The following CCDC195 variants were observed in gnomAD, a reference collection of about 807,000 sequenced individuals.
CCDC195 encodes coiled-coil domain-containing protein 195.
intron 1 of CCDC195, among the ~76,000 whole-genome samples, chr2:224,714,472 G>T (rs1205381723): frequency 6.6e-6 from 1 of 152,128 alleles, no homozygotes; most frequent in Non-Finnish European, 1.5e-5. Context: ...TTGTTCCCAA[G>T]GCAACATTTG....
chr2:224,712,418 G>A (rs10192196), intron 1 of CCDC195, among the ~76,000 whole-genome samples: 107,758 of 152,166 alleles, frequency 0.71, 39,177 homozygotes, highest in African/African-American at 0.89. Flanking sequence ...CCAAATATTT[G>A]TGCACTATTA....
chr2:224,713,575 G>T (rs1689347246), intron 1 of CCDC195, among the ~76,000 whole-genome samples: 1 of 152,154 alleles, frequency 6.6e-6, no homozygotes, highest in Non-Finnish European at 1.5e-5. Flanking sequence ...CCTGCCCAGT[G>T]TTGAACAACT....
chr2:224,710,915 G>T (rs1226737410), intron 1 of CCDC195, among the ~76,000 whole-genome samples: 1 of 152,166 alleles, frequency 6.6e-6, no homozygotes. Flanking sequence ...TGTGTGGCCA[G>T]GGAAGACCTT....
intron 2 of CCDC195, among the ~76,000 whole-genome samples, chr2:224,704,679 G>A (rs1697218327): frequency 7.3e-6 from 1 of 137,306 alleles, no homozygotes; most frequent in Non-Finnish European, 1.5e-5. Flanking sequence ...CTGGAATGCA[G>A]TGGCATGATC....
intron 2 of CCDC195, among the ~76,000 whole-genome samples, chr2:224,708,857 A>G (rs1350174885): frequency 6.6e-6 from 1 of 152,076 alleles, no homozygotes; most frequent in Non-Finnish European, 1.5e-5. Context: ...CACAAGACAA[A>G]GACAAGTAGA....
intron 1 of CCDC195, among the ~76,000 whole-genome samples, chr2:224,713,326 A>G (rs1689343432): frequency 6.6e-6 from 1 of 152,224 alleles, no homozygotes; most frequent in South Asian, 2.1e-4. Flanking sequence ...TATGACAACT[A>G]TTACTTAGTA....
chr2:224,706,509 CT>C lies in CCDC195; in HGVS notation c.483-2623del, dbSNP rs35298629. Among the ~76,000 whole-genome samples, 378 of 95,716 alleles carry C rather than the reference CT, an allele frequency of 3.9e-3. 2 individuals are homozygous for C. Among genetic ancestry groups the C allele is most frequent in the South Asian group, 9.8e-3 (26 of 2,664 alleles). The allele number at this position is 95,716 out of a possible 152,430, so 62.8% of individuals were successfully genotyped here. On this transcript the variant is annotated intron_variant, in intron 2 of 2. Transcript: ENST00000638102. ...TATGAGCCACTGTGCCTGGCTGTAA[CT>C]TTTTTTTTTTTTTTTTTTTGAGACA... is the stretch of plus-strand genomic sequence containing the variant.
chr2:224,708,433 G>A (rs1689255388), intron 2 of CCDC195, among the ~76,000 whole-genome samples: 1 of 151,988 alleles, frequency 6.6e-6, no homozygotes, highest in South Asian at 2.1e-4. Context: ...TTCTCTCAGT[G>A]GCATGGCTTC....
At chr2:224,703,940 T>A in intron 2 of CCDC195, 53 bp from the exon 3 acceptor site, 1 of 398,136 alleles carries the variant, frequency 2.5e-6, no homozygotes, top group Non-Finnish European at 4.4e-6. Flanking sequence ...AGACTTTATA[T>A]AGAACATTGA....
intron 2 of CCDC195, among the ~76,000 whole-genome samples, chr2:224,707,972 TTCCCTCCCTCCC>T (rs145247434): frequency 6.3e-4 from 37 of 59,166 alleles, no homozygotes; most frequent in South Asian, 4.6e-3. Context: ...CCCTCCCTTC[TTCCCTCCCTCCC>T]TCCCTCCCTC....
At chr2:224,716,281 G>A (rs905021347) in exon 1 of CCDC195, 10 of 398,530 alleles carry the variant, frequency 2.5e-5, no homozygotes, top group East Asian at 1.4e-4. Flanking sequence ...AGTTTCATCC[G>A]GAGGGCTTGA....
chr2:224,705,137 ATTGT>A (rs1051170750), intron 2 of CCDC195, among the ~76,000 whole-genome samples: 18 of 152,200 alleles, frequency 1.2e-4, no homozygotes, highest in African/African-American at 4.3e-4. Context: ...CCAAGGCCAC[ATTGT>A]TTGTAAATGA....
chr2:224,716,209 C>T (rs375520309), exon 1 of CCDC195: 2 of 398,696 alleles, frequency 5.0e-6, no homozygotes, highest in African/African-American at 2.1e-5. Flanking sequence ...CCTGGCGCTT[C>T]CTCCTCCCTT....
chr2:224,706,293 C>T (rs1267212697), intron 2 of CCDC195, among the ~76,000 whole-genome samples: 1 of 142,716 alleles, frequency 7.0e-6, no homozygotes, highest in Non-Finnish European at 1.5e-5. Flanking sequence ...GCAACCTCCG[C>T]CTCCCAGGTT....
chr2:224,709,086 C>CTTTTTTTTTTTTTT (rs35179742), intron 2 of CCDC195, among the ~76,000 whole-genome samples: 16 of 95,768 alleles, frequency 1.7e-4, no homozygotes, highest in East Asian at 3.2e-4. Flanking sequence ...TTTCTTTTGT[C>CTTTTTTTTTTTTTT]TTTTTTTTTT....
In CCDC195 at chr2:224,716,032, A is replaced by G. The variant is rs1574758430; in HGVS notation, c.235+99T>C. The stretch of plus-strand genomic sequence containing the variant: ...AGGGATGAAACCCACCACCGTTATT[A>G]CCAAACTATACAGTTATCTGATCAG... On this transcript the variant is annotated intron_variant, in intron 1 of 2. Coordinates refer to ENST00000638102, the Ensembl canonical transcript of CCDC195. The G allele has an allele frequency of 1.5e-5, 6 of 397,398 alleles. No individual in the cohort carries two copies. The East Asian group carries it at 2.1e-4, about 14-fold the overall frequency. The allele number at this position is 397,398 out of a possible 1,614,324, so 24.6% of individuals were successfully genotyped here. A position where few individuals can be genotyped will look rare whatever the true frequency, so the allele number is the denominator to read the frequency against.
chr2:224,714,695 T>C (rs1426614369), intron 1 of CCDC195, among the ~76,000 whole-genome samples: 1 of 152,086 alleles, frequency 6.6e-6, no homozygotes, highest in Non-Finnish European at 1.5e-5. Context: ...CTTTTTTTTT[T>C]CCAGCAAGAG....
intron 2 of CCDC195, among the ~76,000 whole-genome samples, chr2:224,707,767 A>G (rs1170641037): frequency 6.6e-6 from 1 of 152,240 alleles, no homozygotes; most frequent in Non-Finnish European, 1.5e-5. Context: ...TATTGAATGA[A>G]TGAATGTAAT....
At chr2:224,713,534 T>C in intron 1 of CCDC195, among the ~76,000 whole-genome samples, 1 of 152,180 alleles carries the variant, frequency 6.6e-6, no homozygotes. Context: ...TATTTTTACA[T>C]GAGGATGCTA....
Sources: allele counts gnomAD v4.1 joint callset (sites outside exome capture counted in the v4.1 genomes callset), GRCh38; gene constraint gnomAD v4.1.1; transcripts MANE v1.5; gene names NCBI Gene and HGNC (gene_info 2026-07-23, HGNC 2026-07-21).